The following NPSR1 variants were observed in gnomAD, a reference collection of about 807,000 sequenced individuals.
NPSR1 encodes the protein neuropeptide S receptor.
Under a neutral mutation model 46.9 loss-of-function variants are expected in NPSR1, and 48 were observed. The observed-to-expected ratio is 1.02, with a 90% CI of 0.81 to 1.30. NPSR1 has a LOEUF of 1.30. Ranked by LOEUF, NPSR1 falls within the 50% of genes most tolerant of loss-of-function variation. The pLI, the probability that NPSR1 is intolerant of heterozygous loss-of-function variation, is 0.00. For missense variants in NPSR1, 450 were observed against 449.5 expected (o/e 1.00, Z -0.01); for synonymous variants, 176 against 168.1 (o/e 1.05, Z -0.36).
At chr7:34,806,491 G>A (rs561407324) in intron 3 of NPSR1, among the ~76,000 whole-genome samples, 2 of 152,202 alleles carry the variant, frequency 1.3e-5, no homozygotes, top group South Asian at 4.1e-4. Context: ...AGAAACCAGT[G>A]TTGCCAGAGA....
chr7:34,711,639 C>T (rs780585396), intron 2 of NPSR1, among the ~76,000 whole-genome samples: 2 of 152,196 alleles, frequency 1.3e-5, no homozygotes, highest in Admixed American at 1.3e-4. Context: ...TAGTACTTTT[C>T]CAGAGCTTCC....
chr7:34,696,932 A>G (rs1793560703), intron 2 of NPSR1, among the ~76,000 whole-genome samples: 1 of 152,068 alleles, frequency 6.6e-6, no homozygotes, highest in Non-Finnish European at 1.5e-5. Flanking sequence ...TGAATTTGAA[A>G]TGAAAATATT....
chr7:34,827,962 T>C (rs1789940953), intron 5 of NPSR1, among the ~76,000 whole-genome samples: 1 of 152,210 alleles, frequency 6.6e-6, no homozygotes, highest in Non-Finnish European at 1.5e-5. Context: ...TCAAACAGGA[T>C]TGATATCCAG....
intron 2 of NPSR1, chr7:34,719,322 G>A (rs1311248503): frequency 6.6e-6 from 1 of 152,238 alleles, no homozygotes; most frequent in African/African-American, 2.4e-5. Flanking sequence ...CTCAACAGAG[G>A]GAAGGAAGGA....
intron 2 of NPSR1, among the ~76,000 whole-genome samples, chr7:34,763,652 G>T (rs1311782597): frequency 6.6e-6 from 1 of 152,130 alleles, no homozygotes; most frequent in African/African-American, 2.4e-5. Flanking sequence ...ATTAAACCTT[G>T]AGGAAATGGA....
chr7:34,769,359 T>C (rs1786574147), intron 2 of NPSR1, among the ~76,000 whole-genome samples: 1 of 152,184 alleles, frequency 6.6e-6, no homozygotes, highest in Non-Finnish European at 1.5e-5. Context: ...ACCTAACAAA[T>C]TGATCCTCAC....
At chr7:34,722,522 T>C (rs1207228278) in intron 2 of NPSR1, among the ~76,000 whole-genome samples, 1 of 152,228 alleles carries the variant, frequency 6.6e-6, no homozygotes, top group Non-Finnish European at 1.5e-5. Flanking sequence ...ATCTGGACTT[T>C]TTAGTTTTTC....
chr7:34,828,234 C>T (rs1473626148), intron 5 of NPSR1, among the ~76,000 whole-genome samples: 1 of 152,172 alleles, frequency 6.6e-6, no homozygotes, highest in Admixed American at 6.5e-5. Context: ...GAAGCAGAGT[C>T]TGTGATGACC....
chr7:34,784,393 AG>A (rs1787367460), intron 3 of NPSR1, among the ~76,000 whole-genome samples: 2 of 152,084 alleles, frequency 1.3e-5, no homozygotes, highest in African/African-American at 2.4e-5. Context: ...TTTAGCATGA[AG>A]GGTTGTTGAA....
Position 34,856,844 on chromosome 7 carries a change from AG to A in NPSR1, c.1025+8184del, listed in dbSNP as rs1791061109. ...AACTTCATGATTGAGAGGCAGGAGG[AG>A]GGAGAGGAGAAACAATTGTTCTCCC... On this transcript the variant is annotated intron_variant, in intron 8 of 8. Transcript: ENST00000359791. 2.0e-5 allele frequency among the ~76,000 whole-genome samples: 3 copies of A among 151,508 alleles called. No individual in the cohort carries two copies. In the South Asian group the frequency reaches 6.2e-4, roughly 31 times the overall value.
At chr7:34,757,803 T>G (rs1292689319) in intron 2 of NPSR1, among the ~76,000 whole-genome samples, 1 of 152,190 alleles carries the variant, frequency 6.6e-6, no homozygotes, top group African/African-American at 2.4e-5. Flanking sequence ...TTCCGATGCC[T>G]CCTCTGAGCT....
At chr7:34,769,313 C>A (rs1786571965) in intron 2 of NPSR1, among the ~76,000 whole-genome samples, 1 of 152,164 alleles carries the variant, frequency 6.6e-6, no homozygotes, top group Admixed American at 6.5e-5. Context: ...TGAACTTCTG[C>A]ATAGTTTCCT....
At chr7:34,734,972 G>A (rs1347061140) in intron 2 of NPSR1, among the ~76,000 whole-genome samples, 4 of 152,272 alleles carry the variant, frequency 2.6e-5, no homozygotes, top group African/African-American at 9.6e-5. Flanking sequence ...AGGGACCTCA[G>A]TAGCACTAGG....
At chr7:34,872,565 A>G (rs1029308345) in intron 8 of NPSR1, among the ~76,000 whole-genome samples, 3 of 151,850 alleles carry the variant, frequency 2.0e-5, no homozygotes, top group South Asian at 2.1e-4. Context: ...AGACATACCC[A>G]AGACTGGGTG....
intron 2 of NPSR1, chr7:34,750,128 A>ATTT (rs34129840): frequency 0.024 from 5,687 of 241,376 alleles, 155 homozygotes; most frequent in African/African-American, 0.085. Context: ...TCGTGTATGT[A>ATTT]TTTTTTTTTT....
At chr7:34,746,215 A>G (rs181138674) in intron 2 of NPSR1, among the ~76,000 whole-genome samples, 3 of 152,342 alleles carry the variant, frequency 2.0e-5, no homozygotes, top group Admixed American at 2.0e-4. Flanking sequence ...ATTCTGATCA[A>G]AAAAGATTGT....
At chr7:34,696,938 A>G (rs578137954) in intron 2 of NPSR1, among the ~76,000 whole-genome samples, 130 of 152,118 alleles carry the variant, frequency 8.5e-4, no homozygotes, top group Non-Finnish European at 1.4e-3. Context: ...TGAAATGAAA[A>G]TATTTATGCT....
rs10270766 is a variant in NPSR1, at chr7:34,848,582, T to C, written c.944T>C (p.Ile315Thr). ...GAGCGTTTCTATGCCTCTGTGATCA[T>C]TCAGAACCTGCCAGCATTGAATAGT... ...TQERFYASVIIQNLPALNSAI... is the reference protein window; with the variant it reads ...TQERFYASVITQNLPALNSAI... The change falls in exon 8 of 9, where the codon ATT becomes ACT. Residue 315 changes from isoleucine (I) to threonine (T), a missense_variant. Coordinates refer to ENST00000360581, the MANE Select transcript of NPSR1 (RefSeq NM_207172.2). The C allele has an allele frequency of 7.3e-4, 1,179 of 1,614,204 alleles. 3 individuals carry two copies. The African/African-American group carries it at 0.013, about 18-fold the overall frequency.
intron 3 of NPSR1, among the ~76,000 whole-genome samples, chr7:34,794,293 T>C (rs769968694): frequency 9.2e-5 from 14 of 152,114 alleles, no homozygotes; most frequent in African/African-American, 1.7e-4. Flanking sequence ...GATTTGAGCA[T>C]TACACAATAT....
Sources: gnomAD v4.1 joint callset for allele counts (sites outside exome capture counted in the v4.1 genomes callset) on GRCh38, gnomAD v4.1.1 for gene constraint, MANE v1.5 for transcripts, NCBI Gene and HGNC (gene_info 2026-07-23, HGNC 2026-07-21) for gene names.